IL1RAPL2: variants seen among roughly 807,000 people sequenced by gnomAD.
IL1RAPL2 encodes X-linked interleukin-1 receptor accessory protein-like 2.
A neutral mutation model predicts 44.1 loss-of-function variants in IL1RAPL2; 3 were observed. That is an observed-to-expected ratio of 0.07 (90% CI 0.03 to 0.18). The LOEUF (loss-of-function observed/expected upper bound fraction) is 0.18, where lower values mean the gene tolerates loss of function less well. Ranked by LOEUF, IL1RAPL2 falls within the 10% of genes least tolerant of loss-of-function variation. The pLI is 1.00. For synonymous variants in IL1RAPL2, 181 were observed against 178.8 expected (o/e 1.01, Z -0.10); for missense variants, 391 against 496.4 (o/e 0.79, Z 2.02).
intron 1 of IL1RAPL2, among the ~76,000 whole-genome samples, chrX:104,595,441 C>T (rs943732561): frequency 9.0e-6 from 1 of 111,059 alleles, no homozygotes; most frequent in Non-Finnish European, 1.9e-5. Context: ...GTTGGATTTA[C>T]TATAGTTGGA....
intron 2 of IL1RAPL2, among the ~76,000 whole-genome samples, chrX:104,920,536 CCT>C (rs1924606274): frequency 9.8e-6 from 1 of 102,505 alleles, no homozygotes; most frequent in Non-Finnish European, 2.0e-5. Flanking sequence ...CCTCCCCTCC[CCT>C]CTCTTGCTCC....
chrX:105,185,890 T>C (rs782334510), intron 2 of IL1RAPL2, among the ~76,000 whole-genome samples: 16 of 112,072 alleles, frequency 1.4e-4, no homozygotes, highest in Non-Finnish European at 1.3e-4. Context: ...TATCGCAGGA[T>C]GAGAATTTAT....
At chrX:105,077,390 G>A (rs865876868) in intron 2 of IL1RAPL2, among the ~76,000 whole-genome samples, 32 of 112,067 alleles carry the variant, frequency 2.9e-4, no homozygotes, top group African/African-American at 9.7e-4. Flanking sequence ...CTTCTGGCTT[G>A]TAGAGTTTCT....
intron 2 of IL1RAPL2, among the ~76,000 whole-genome samples, chrX:105,193,776 A>G (rs1207558707): frequency 8.9e-6 from 1 of 112,281 alleles, no homozygotes; most frequent in Non-Finnish European, 1.9e-5. Flanking sequence ...ATCAGAATCC[A>G]TAGTGATGAA....
At chrX:105,580,999 A>G (rs1289446351) in intron 6 of IL1RAPL2, among the ~76,000 whole-genome samples, 1 of 111,317 alleles carries the variant, frequency 9.0e-6, no homozygotes, top group Non-Finnish European at 1.9e-5. Context: ...TGTTCAGACT[A>G]ATATCTGAAG....
chrX:105,553,678 ATTTATT>A (rs370571994), intron 6 of IL1RAPL2, among the ~76,000 whole-genome samples: 8 of 112,177 alleles, frequency 7.1e-5, no homozygotes, highest in African/African-American at 2.6e-4. Context: ...TATCTTAATA[ATTTATT>A]TTTATAAAAC....
At chrX:104,616,056 C>T (rs1036177992) in intron 1 of IL1RAPL2, among the ~76,000 whole-genome samples, 1 of 98,813 alleles carries the variant, frequency 1.0e-5, no homozygotes, top group Non-Finnish European at 1.9e-5. Flanking sequence ...AGGTCCTTTG[C>T]CTACTTTTAA....
At chrX:104,943,605 C>T (rs1925259255) in intron 2 of IL1RAPL2, among the ~76,000 whole-genome samples, 1 of 111,335 alleles carries the variant, frequency 9.0e-6, no homozygotes, top group South Asian at 3.8e-4. Context: ...CCCTGATATG[C>T]ATATGATTGC....
intron 5 of IL1RAPL2, among the ~76,000 whole-genome samples, chrX:105,298,562 C>G (rs2038349919): frequency 9.0e-6 from 1 of 110,733 alleles, no homozygotes. Flanking sequence ...TTTAAAATGT[C>G]TATTTCAGTT....
At chrX:104,880,000 G>C (rs765718016) in intron 2 of IL1RAPL2, among the ~76,000 whole-genome samples, 2 of 111,113 alleles carry the variant, frequency 1.8e-5, no homozygotes, top group Non-Finnish European at 3.8e-5. Flanking sequence ...AGTGTGTAGA[G>C]TGAGTTGATT....
At chrX:105,366,495 T>G (rs1324997975) in intron 5 of IL1RAPL2, among the ~76,000 whole-genome samples, 1 of 111,225 alleles carries the variant, frequency 9.0e-6, no homozygotes, top group African/African-American at 3.3e-5. Flanking sequence ...TGAACTTCCC[T>G]CTTAAAACTG....
At chrX:105,760,770 A>G (rs2038680202) in intron 10 of IL1RAPL2, among the ~76,000 whole-genome samples, 1 of 112,402 alleles carries the variant, frequency 8.9e-6, no homozygotes, top group Non-Finnish European at 1.9e-5. Context: ...ACTATAGAGA[A>G]CAAAACTCCT....
chrX:104,997,223 A>C lies in IL1RAPL2; in HGVS notation c.83-198252A>C, dbSNP rs2030764719. Among the ~76,000 whole-genome samples, 3 of 112,176 alleles carry C rather than the reference A, an allele frequency of 2.7e-5. No individual in the cohort carries two copies. In the Admixed American group the frequency reaches 2.8e-4, roughly 11 times the overall value. ...AATTGACATGTACCAAAGATTTAGT[A>C]TGGAAACAGGAATGTAAAATGTCTC... On this transcript the variant is annotated intron_variant, in intron 2 of 10. Transcript: ENST00000372582.
At chrX:104,790,370 G>A (rs1360498250) in intron 2 of IL1RAPL2, among the ~76,000 whole-genome samples, 6 of 110,949 alleles carry the variant, frequency 5.4e-5, no homozygotes, top group African/African-American at 2.0e-4. Flanking sequence ...TTTCAACTTG[G>A]TGTCTTTTTG....
At chrX:104,677,838 G>C (rs953599979) in intron 2 of IL1RAPL2, among the ~76,000 whole-genome samples, 1 of 112,020 alleles carries the variant, frequency 8.9e-6, no homozygotes, top group Non-Finnish European at 1.9e-5. Context: ...CGCGGTATTC[G>C]GGTGGGAGTG....
intron 2 of IL1RAPL2, among the ~76,000 whole-genome samples, chrX:104,950,727 G>C (rs866413934): frequency 6.0e-5 from 5 of 82,993 alleles, no homozygotes; most frequent in Admixed American, 1.3e-4. Flanking sequence ...TTTTTTTTTT[G>C]AGACGGAGTC....
chrX:105,609,931 T>A, intron 6 of IL1RAPL2, among the ~76,000 whole-genome samples: 1 of 112,349 alleles, frequency 8.9e-6, no homozygotes, highest in African/African-American at 3.2e-5. Flanking sequence ...GTGTTCATTT[T>A]ACTTCAGGTA....
At chrX:104,908,630 C>T (rs1924119273) in intron 2 of IL1RAPL2, among the ~76,000 whole-genome samples, 1 of 111,653 alleles carries the variant, frequency 9.0e-6, no homozygotes, top group Non-Finnish European at 1.9e-5. Flanking sequence ...TGAATATTGG[C>T]CCCCACTGTC....
chrX:105,031,083 A>C (rs1390900509), intron 2 of IL1RAPL2, among the ~76,000 whole-genome samples: 3 of 110,246 alleles, frequency 2.7e-5, no homozygotes, highest in Non-Finnish European at 3.8e-5. Context: ...TGATTTTTGC[A>C]CATTGATTTT....
Sources: allele counts gnomAD v4.1 joint callset (sites outside exome capture counted in the v4.1 genomes callset), GRCh38; gene constraint gnomAD v4.1.1; transcripts MANE v1.5; gene names NCBI Gene and HGNC (gene_info 2026-07-23, HGNC 2026-07-21).